The following FAM184B variants were observed in gnomAD, a reference collection of about 807,000 sequenced individuals.
FAM184B encodes family with sequence similarity 184 member B.
FAM184B carries 111 observed loss-of-function variants against 135.9 expected under a neutral mutation model. That is an observed-to-expected ratio of 0.82 (90% CI 0.70 to 0.96). The LOEUF (loss-of-function observed/expected upper bound fraction) is 0.96, where lower values mean the gene tolerates loss of function less well. Among genes scored for constraint, FAM184B ranks in the 40% least tolerant of loss-of-function variants. FAM184B has a pLI of 0.00. For synonymous variants in FAM184B, 552 were observed against 524.8 expected, an observed-to-expected ratio of 1.05 and a Z score of -0.71; for missense variants, 1,375 against 1,323.9, an observed-to-expected ratio of 1.04 and a Z score of -0.60.
At chr4:17,648,345 A>T (rs1715521640) in intron 11 of FAM184B, among the ~76,000 whole-genome samples, 1 of 150,164 alleles carries the variant, frequency 6.7e-6, no homozygotes, top group African/African-American at 2.5e-5. Flanking sequence ...ATTTATGTCA[A>T]CTCTTTTTTA....
intron 7 of FAM184B, among the ~76,000 whole-genome samples, chr4:17,678,448 A>C (rs1716364129): frequency 6.6e-6 from 1 of 152,136 alleles, no homozygotes; most frequent in Non-Finnish European, 1.5e-5. Context: ...AAACAAAAAA[A>C]ACCTTAGGAA....
At chr4:17,659,231 G>A (rs576711842) in intron 9 of FAM184B, among the ~76,000 whole-genome samples, 5 of 151,172 alleles carry the variant, frequency 3.3e-5, no homozygotes, top group East Asian at 3.9e-4. Context: ...TCAGCCTGCC[G>A]CGTAGCTGGG....
chr4:17,702,623 T>A (rs1319650992), intron 5 of FAM184B, among the ~76,000 whole-genome samples: 1 of 152,200 alleles, frequency 6.6e-6, no homozygotes, highest in Non-Finnish European at 1.5e-5. Flanking sequence ...TTTCCCAATC[T>A]GCATGGCCTA....
rs764268487 is a variant in FAM184B at position 17,633,931 on chromosome 4, A to G, written c.2890-43T>C. 32 of 1,297,344 alleles carry G rather than the reference A, an allele frequency of 2.5e-5. 1 individual carries two copies. In the Admixed American group the frequency reaches 1.4e-3, roughly 55 times the overall value. The allele number at this position is 1,297,344 out of a possible 1,614,324, so 80.4% of individuals were successfully genotyped here. On this transcript the variant is annotated intron_variant, in intron 16 of 17. Coordinates refer to ENST00000265018, the MANE Select transcript of FAM184B (RefSeq NM_015688.2). ...CAGGTTAGTGCAATGCAATGCAAAA[A>G]ACAAAATAAAGCATTATTGTAAAAG...
chr4:17,772,760 T>G (rs1009091943), intron 1 of FAM184B, among the ~76,000 whole-genome samples: 1 of 152,196 alleles, frequency 6.6e-6, no homozygotes, highest in Non-Finnish European at 1.5e-5. Flanking sequence ...GTGGCATATA[T>G]CCACTGGCAA....
At chr4:17,737,144 C>CA (rs1254082784) in intron 1 of FAM184B, among the ~76,000 whole-genome samples, 1,608 of 116,054 alleles carry the variant, frequency 0.014, 21 homozygotes, top group African/African-American at 0.04. Flanking sequence ...GACTTCGTCT[C>CA]AAAAAAAAAA....
chr4:17,635,161 C>G (rs1715088556), intron 15 of FAM184B, 48 bp from the exon 16 acceptor site: 1 of 1,419,214 alleles, frequency 7.0e-7, no homozygotes, highest in Non-Finnish European at 9.7e-7. Flanking sequence ...CCACACAGCA[C>G]TGGGTTTGAC....
chr4:17,642,317 G>T, intron 12 of FAM184B, 89 bp from the exon 13 acceptor site: 1 of 1,381,362 alleles, frequency 7.2e-7, no homozygotes, highest in South Asian at 1.6e-5. Context: ...GCGAGATGGA[G>T]ACCCACTGGC....
At chr4:17,749,517 T>C (rs1441390583) in intron 1 of FAM184B, among the ~76,000 whole-genome samples, 1 of 152,086 alleles carries the variant, frequency 6.6e-6, no homozygotes, top group African/African-American at 2.4e-5. Context: ...AAACTATCAA[T>C]GGAAACAGAT....
Position 17,739,555 on chromosome 4 carries a change from G to GTTTTTTTTTTTTTTTTTTT in FAM184B, c.142-29912_142-29911insAAAAAAAAAAAAAAAAAAA, listed in dbSNP as rs397992408. Among the ~76,000 whole-genome samples the GTTTTTTTTTTTTTTTTTTT allele has an allele frequency of 2.8e-3, 175 of 62,508 alleles. 52 individuals are homozygous for GTTTTTTTTTTTTTTTTTTT. The highest frequency in any genetic ancestry group is 4.7e-3 in the East Asian group (8 of 1,702). 41.0% of individuals were successfully genotyped at this position (62,508 alleles called of 152,430 possible). On this transcript the variant is annotated intron_variant, in intron 1 of 17. Coordinates refer to ENST00000265018, the MANE Select transcript of FAM184B (RefSeq NM_015688.2). Reference sequence around the variant, plus strand: ...CCCTACACCATATGTCATACCAACTGTTTTTTTTTTTTTTTTGAGATGGGG... The same window carrying GTTTTTTTTTTTTTTTTTTT: ...CCCTACACCATATGTCATACCAACTGTTTTTTTTTTTTTTTTTTTTTTTTTTTTTTTTTTTGAGATGGGG...
At chr4:17,641,720 G>A (rs1201153046) in intron 13 of FAM184B, among the ~76,000 whole-genome samples, 2 of 134,644 alleles carry the variant, frequency 1.5e-5, no homozygotes, top group Non-Finnish European at 3.1e-5. Context: ...GGCTGGTCTC[G>A]AATTCCTGAC....
At chr4:17,658,872 C>A (rs1055286928) in intron 9 of FAM184B, among the ~76,000 whole-genome samples, 3 of 152,094 alleles carry the variant, frequency 2.0e-5, no homozygotes, top group Non-Finnish European at 4.4e-5. Flanking sequence ...CTGCTCGAAT[C>A]TGGCTTCCTC....
At chr4:17,712,764 T>C (rs1045526048) in intron 1 of FAM184B, among the ~76,000 whole-genome samples, 1 of 152,090 alleles carries the variant, frequency 6.6e-6, no homozygotes, top group South Asian at 2.1e-4. Context: ...AAGCTTTGTA[T>C]GGCTTTAAAA....
intron 1 of FAM184B, among the ~76,000 whole-genome samples, chr4:17,773,826 C>T (rs553061080): frequency 2.0e-5 from 3 of 152,318 alleles, no homozygotes; most frequent in African/African-American, 7.2e-5. Context: ...ATCCGCCTGC[C>T]TTGGCCTCCC....
intron 1 of FAM184B, among the ~76,000 whole-genome samples, chr4:17,772,806 G>A (rs760618864): frequency 6.6e-6 from 1 of 152,206 alleles, no homozygotes; most frequent in Non-Finnish European, 1.5e-5. Context: ...CGGTCACAAT[G>A]CTAGGCCAGG....
chr4:17,756,433 C>T (rs1718423077), intron 1 of FAM184B, among the ~76,000 whole-genome samples: 1 of 152,134 alleles, frequency 6.6e-6, no homozygotes. Context: ...TCTAAATTTA[C>T]AATGATATCC....
chr4:17,751,937 C>A (rs6857036), intron 1 of FAM184B, among the ~76,000 whole-genome samples: 1 of 144,140 alleles, frequency 6.9e-6, no homozygotes, highest in East Asian at 2.0e-4. Flanking sequence ...CAGGAACCCA[C>A]GGAATAAGAA....
intron 1 of FAM184B, among the ~76,000 whole-genome samples, chr4:17,747,277 C>T (rs1363684546): frequency 5.9e-5 from 9 of 151,976 alleles, no homozygotes; most frequent in Non-Finnish European, 1.5e-5. Context: ...TGTGGTAAAG[C>T]CATTCCCAGT....
intron 1 of FAM184B, among the ~76,000 whole-genome samples, chr4:17,728,532 G>T (rs2108976217): frequency 6.6e-6 from 1 of 152,330 alleles, no homozygotes; most frequent in South Asian, 2.1e-4. Context: ...AGGGCTTGCA[G>T]ACTCCGTCTC....
Sources: allele counts gnomAD v4.1 joint callset (sites outside exome capture counted in the v4.1 genomes callset), GRCh38; gene constraint gnomAD v4.1.1; transcripts MANE v1.5; gene names NCBI Gene and HGNC (gene_info 2026-07-23, HGNC 2026-07-21).